MDGA2: variants seen among roughly 807,000 people sequenced by gnomAD.
The protein encoded by MDGA2 is MAM domain-containing glycosylphosphatidylinositol anchor protein 2.
In MDGA2, 40 loss-of-function variants were observed where a neutral mutation model predicts 117.8. The ratio of observed to expected loss-of-function variants is 0.34; its 90% CI spans 0.26 to 0.44. MDGA2 has a LOEUF of 0.44. Among genes scored for constraint, MDGA2 ranks in the 20% least tolerant of loss-of-function variants. The pLI is 1.00. For missense variants in MDGA2, 1,123 were observed against 1,250.6 expected (o/e 0.90, Z 1.54); for synonymous variants, 452 against 439.0 (o/e 1.03, Z -0.37).
chr14:47,486,712 C>T lies in MDGA2; in HGVS notation c.281-185162G>A, dbSNP rs143529592. 3.9e-3 allele frequency among the ~76,000 whole-genome samples: 598 copies of T among 152,178 alleles called. 2 individuals carry two copies. Among genetic ancestry groups the T allele is most frequent in the African/African-American group, 0.013 (547 of 41,514 alleles). Reference sequence around the variant, plus strand: ...TTCTCATAATAGCGAATGGGCCTCACGAGATCTAATGGTTTTAAAAATGGG... The same window carrying T: ...TTCTCATAATAGCGAATGGGCCTCATGAGATCTAATGGTTTTAAAAATGGG... On this transcript the variant is annotated intron_variant, in intron 1 of 16. Coordinates refer to ENST00000399232, the MANE Select transcript of MDGA2 (RefSeq NM_001113498.3).
intron 1 of MDGA2, among the ~76,000 whole-genome samples, chr14:47,356,615 A>G (rs1186669854): frequency 6.6e-6 from 1 of 152,116 alleles, no homozygotes; most frequent in Non-Finnish European, 1.5e-5. Flanking sequence ...GCCTGAACCT[A>G]TCTCAGCATA....
chr14:46,925,666 A>T (rs1457349255), intron 9 of MDGA2, among the ~76,000 whole-genome samples: 1 of 150,804 alleles, frequency 6.6e-6, no homozygotes, highest in Non-Finnish European at 1.5e-5. Flanking sequence ...AATAGAATTT[A>T]TAAGTATACT....
At chr14:47,475,142 A>G (rs1324913952) in intron 1 of MDGA2, among the ~76,000 whole-genome samples, 1 of 152,190 alleles carries the variant, frequency 6.6e-6, no homozygotes, top group Non-Finnish European at 1.5e-5. Flanking sequence ...TAAAGAAAAA[A>G]CAACCCCGTT....
At chr14:46,882,871 AT>A (rs775974996) in intron 10 of MDGA2, among the ~76,000 whole-genome samples, 1 of 151,934 alleles carries the variant, frequency 6.6e-6, no homozygotes, top group Non-Finnish European at 1.5e-5. Flanking sequence ...AAGGGTAGGA[AT>A]TTACCATGGG....
rs545359594 is a variant in MDGA2 at position 47,594,904 on chromosome 14, T to C, written c.280+79613A>G. Among the ~76,000 whole-genome samples the C allele has an allele frequency of 2.4e-5, 3 of 124,352 alleles. No homozygotes were observed. The East Asian group carries it at 7.2e-4, about 30-fold the overall frequency. The allele number at this position is 124,352 out of a possible 152,430, so 81.6% of individuals were successfully genotyped here. ...ACTGTATGGTGTAGATCACAAATTA[T>C]CTATCAACTCCCTGATTTCCTCCAT... On this transcript the variant is annotated intron_variant, in intron 1 of 16. Coordinates refer to ENST00000399232, the MANE Select transcript of MDGA2 (RefSeq NM_001113498.3).
At chr14:47,552,555 C>A (rs1895602611) in intron 1 of MDGA2, among the ~76,000 whole-genome samples, 1 of 152,088 alleles carries the variant, frequency 6.6e-6, no homozygotes, top group South Asian at 2.1e-4. Flanking sequence ...AGAATCTGAT[C>A]ACACCTCATA....
chr14:47,043,635 T>G (rs757232462), intron 7 of MDGA2, among the ~76,000 whole-genome samples: 10 of 152,100 alleles, frequency 6.6e-5, no homozygotes, highest in Non-Finnish European at 1.3e-4. Context: ...TCTACAGTAG[T>G]TTCCCATTTA....
chr14:47,517,892 T>G (rs1345552280), intron 1 of MDGA2, among the ~76,000 whole-genome samples: 31 of 152,202 alleles, frequency 2.0e-4, no homozygotes, highest in Non-Finnish European at 7.3e-5. Flanking sequence ...AAATGTTGTG[T>G]GTCTTAAATT....
chr14:46,925,203 G>C (rs1468926823), intron 9 of MDGA2, among the ~76,000 whole-genome samples: 1 of 152,192 alleles, frequency 6.6e-6, no homozygotes, highest in Non-Finnish European at 1.5e-5. Flanking sequence ...TTAAAGCGCA[G>C]AGAATTCCTC....
At chr14:47,039,848 G>C (rs1466136237) in intron 7 of MDGA2, among the ~76,000 whole-genome samples, 3 of 152,120 alleles carry the variant, frequency 2.0e-5, no homozygotes, top group Admixed American at 2.0e-4. Context: ...TTACTGTTCA[G>C]TATAAACAGT....
At chr14:47,402,198 G>A (rs17092682) in intron 1 of MDGA2, among the ~76,000 whole-genome samples, 16,598 of 152,022 alleles carry the variant, frequency 0.11, 1,127 homozygotes, top group Non-Finnish European at 0.13. Context: ...TTCAGACCTC[G>A]AGGAGCTTTT....
intron 2 of MDGA2, among the ~76,000 whole-genome samples, chr14:47,249,011 G>T (rs80138117): frequency 0.4 from 39,160 of 99,022 alleles, 6,121 homozygotes; most frequent in Admixed American, 0.58. Context: ...TTTCTTTTTT[G>T]TTGTTGTTGT....
At chr14:47,049,641 G>A (rs567374627) in intron 7 of MDGA2, among the ~76,000 whole-genome samples, 31 of 152,090 alleles carry the variant, frequency 2.0e-4, no homozygotes, top group Middle Eastern at 3.4e-3. Context: ...GAATGATCCT[G>A]TCACACAGTG....
intron 1 of MDGA2, among the ~76,000 whole-genome samples, chr14:47,630,251 A>T (rs1897231164): frequency 6.6e-6 from 1 of 152,190 alleles, no homozygotes; most frequent in Non-Finnish European, 1.5e-5. Context: ...TACCTCAAAA[A>T]GTTACATATT....
chr14:46,908,171 T>G (rs1454085103), intron 10 of MDGA2, among the ~76,000 whole-genome samples: 1 of 152,168 alleles, frequency 6.6e-6, no homozygotes, highest in Admixed American at 6.6e-5. Context: ...ATAAACCTCT[T>G]TCAAAATTTC....
At chr14:47,156,767 A>G (rs1482520831) in intron 3 of MDGA2, among the ~76,000 whole-genome samples, 1 of 152,228 alleles carries the variant, frequency 6.6e-6, no homozygotes, top group African/African-American at 2.4e-5. Context: ...AATCTTAAAA[A>G]TCCTATACAG....
In MDGA2 at chr14:47,390,940, T is replaced by C. The variant is rs1266306904; in HGVS notation, c.281-89390A>G. ...ATTTTTCAAGGTCTGGTCTCTTTTC[T>C]ATTTTTCCAACCCTTATCCTGGCTG... is the stretch of plus-strand genomic sequence containing the variant. On this transcript the variant is annotated intron_variant, in intron 1 of 16. Coordinates refer to ENST00000399232, the MANE Select transcript of MDGA2 (RefSeq NM_001113498.3). Among the ~76,000 whole-genome samples, 6 of 152,266 alleles carry C rather than the reference T, an allele frequency of 3.9e-5. No individual in the cohort carries two copies. In the East Asian group the frequency reaches 5.8e-4, roughly 15 times the overall value.
chr14:47,251,307 C>G (rs762105060), intron 2 of MDGA2, among the ~76,000 whole-genome samples: 1 of 152,176 alleles, frequency 6.6e-6, no homozygotes, highest in Admixed American at 6.5e-5. Flanking sequence ...AGGTCTTTCT[C>G]ATCATTCAGA....
At chr14:46,990,555 A>C (rs1317294759) in intron 8 of MDGA2, among the ~76,000 whole-genome samples, 1 of 152,074 alleles carries the variant, frequency 6.6e-6, no homozygotes, top group Non-Finnish European at 1.5e-5. Flanking sequence ...CATTTTCAAA[A>C]AATTGTTAAC....
Sources: allele counts gnomAD v4.1 joint callset (sites outside exome capture counted in the v4.1 genomes callset), GRCh38; gene constraint gnomAD v4.1.1; transcripts MANE v1.5; gene names NCBI Gene and HGNC (gene_info 2026-07-23, HGNC 2026-07-21).